The following RIOX2 variants were observed in gnomAD, a reference collection of about 807,000 sequenced individuals.
RIOX2 encodes the protein 60S ribosomal protein L27a histidine hydroxylase.
Under a neutral mutation model 51.2 loss-of-function variants are expected in RIOX2, and 43 were observed. That is an observed-to-expected ratio of 0.84 (90% CI 0.66 to 1.08). The LOEUF (loss-of-function observed/expected upper bound fraction) is 1.08. Ranked by LOEUF, RIOX2 falls within the 50% of genes least tolerant of loss-of-function variation. The pLI is 0.00. For synonymous variants in RIOX2, 226 were observed against 218.5 expected (o/e 1.03, Z -0.30); for missense variants, 566 against 561.7 (o/e 1.01, Z -0.08).
chr3:97,942,995 T>C lies in RIOX2; in HGVS notation c.*2189A>G. The C allele has an allele frequency of 2.2e-6, 1 of 465,026 alleles. No homozygotes were observed. The highest frequency in any genetic ancestry group is 3.8e-6 in the Non-Finnish European group (1 of 265,462). 28.8% of individuals were successfully genotyped at this position (465,026 alleles called of 1,614,324 possible). On this transcript the variant is annotated 3_prime_UTR_variant, in exon 10 of 10. Transcript: ENST00000394198. ...AAGAATCACATTAAGGCACGCCACT[T>C]ATACAATCATGTATTATACCTTTTA...
chr3:97,945,119 T>C lies in RIOX2; in HGVS notation c.*65A>G. On this transcript the variant is annotated 3_prime_UTR_variant, in exon 10 of 10. Coordinates refer to ENST00000394198, the MANE Select transcript of RIOX2 (RefSeq NM_153182.4). Reference sequence around the variant, plus strand: ...AACTTGAATTCATCCTCTCCTCGGCTCAGGTCTTTGCTTTTCTTTTAATAT... The same window carrying C: ...AACTTGAATTCATCCTCTCCTCGGCCCAGGTCTTTGCTTTTCTTTTAATAT... 6 of 1,430,098 alleles carry C rather than the reference T, an allele frequency of 4.2e-6. No homozygotes were observed. In the South Asian group the frequency reaches 7.1e-5, roughly 17 times the overall value. 88.6% of individuals were successfully genotyped at this position (1,430,098 alleles called of 1,614,324 possible).
chr3:97,949,746 T>G, intron 7 of RIOX2, 98 bp downstream of exon 7: 1 of 1,118,832 alleles, frequency 8.9e-7, no homozygotes, highest in East Asian at 2.4e-5. Flanking sequence ...ACGAAAGCAC[T>G]TCATACTTTC....
intron 2 of RIOX2, among the ~76,000 whole-genome samples, chr3:97,966,211 G>A (rs1576017798): frequency 6.6e-6 from 1 of 152,146 alleles, no homozygotes; most frequent in Non-Finnish European, 1.5e-5. Flanking sequence ...AACACTATTG[G>A]TAACTGACGA....
intron 2 of RIOX2, among the ~76,000 whole-genome samples, chr3:97,963,712 A>G (rs190593144): frequency 6.6e-6 from 1 of 152,118 alleles, no homozygotes; most frequent in Non-Finnish European, 1.5e-5. Context: ...TCCCGACCCA[A>G]CTATCAGGGT....
rs538130600 is a variant in RIOX2 at position 97,966,355 on chromosome 3, G to C, written c.432+807C>G. Among the ~76,000 whole-genome samples, 6 of 152,238 alleles carry C rather than the reference G, an allele frequency of 3.9e-5. No individual in the cohort carries two copies. In the South Asian group the frequency reaches 1.2e-3, roughly 32 times the overall value. ...TCACAGAAGGGGGTTTCTGAATGGG[G>C]ATAAAAGTTTATCTAAAATTCAGAA... On this transcript the variant is annotated intron_variant, in intron 2 of 9. Coordinates refer to ENST00000394198, the MANE Select transcript of RIOX2 (RefSeq NM_153182.4).
rs1435089716 is a variant in RIOX2 at position 97,942,857 on chromosome 3, AATATTATTC to A, written c.*2318_*2326del. On this transcript the variant is annotated 3_prime_UTR_variant, in exon 10 of 10. Transcript: ENST00000394198. ...TTTTGAATTCAGCAAGGTCAGGGCCAATATTATTCATGGCTGTTGCTTTAATTGGGTTAG... is the reference window on the plus strand; with the variant it reads ...TTTTGAATTCAGCAAGGTCAGGGCCAATGGCTGTTGCTTTAATTGGGTTAG... 8.5e-6 allele frequency: 2 copies of A among 233,958 alleles called. No homozygotes were observed. The highest frequency in any genetic ancestry group is 1.6e-5 in the Non-Finnish European group (2 of 123,902). 14.5% of individuals were successfully genotyped at this position (233,958 alleles called of 1,614,324 possible).
intron 1 of RIOX2, among the ~76,000 whole-genome samples, chr3:97,970,094 C>T (rs1042513697): frequency 5.9e-5 from 9 of 152,090 alleles, no homozygotes; most frequent in African/African-American, 2.2e-4. Flanking sequence ...AAGATGCAAA[C>T]GAAAAGCTTT....
At position 97,949,769 on chromosome 3, in the gene RIOX2, A is replaced by G. The variant is rs536363035; in HGVS notation, c.1060+75T>C. On this transcript the variant is annotated intron_variant, in intron 7 of 9. Coordinates refer to ENST00000394198, the MANE Select transcript of RIOX2 (RefSeq NM_153182.4). ...ACTTCATACTTTCCATCTGTTCAAA[A>G]AGGAGCCTACCCAGAAAAACCGTAA... The G allele has an allele frequency of 2.9e-6, 4 of 1,373,836 alleles. No individual in the cohort carries two copies. The African/African-American group carries it at 5.8e-5, about 20-fold the overall frequency. The allele number at this position is 1,373,836 out of a possible 1,614,324, so 85.1% of individuals were successfully genotyped here.
intron 2 of RIOX2, 138 bp from the exon 3 acceptor site, chr3:97,961,846 C>T: frequency 1.1e-6 from 1 of 935,280 alleles, no homozygotes; most frequent in Non-Finnish European, 1.5e-6. Context: ...GGGAATTATG[C>T]AATGATACAG....
At chr3:97,967,813 T>C (rs1162093676) in intron 1 of RIOX2, among the ~76,000 whole-genome samples, 181 bp from the exon 2 acceptor site, 5 of 152,200 alleles carry the variant, frequency 3.3e-5, no homozygotes, top group African/African-American at 1.2e-4. Context: ...TTCTAAGATA[T>C]GATTCAAGCT....
At chr3:97,954,282 G>T in intron 5 of RIOX2, 110 bp downstream of exon 5, 1 of 733,202 alleles carries the variant, frequency 1.4e-6, no homozygotes, top group South Asian at 1.5e-5. Context: ...TAAACCCTGG[G>T]GTTTGCATAG....
rs564490743 is a variant in RIOX2 at position 97,945,020 on chromosome 3, C to T, written c.*164G>A. On this transcript the variant is annotated 3_prime_UTR_variant, in exon 10 of 10. Transcript: ENST00000394198. ...TTTGCTGTTCTTTCTTTCATGTGCC[C>T]GTTAGTACATTTGGCCAACTGACCA... The T allele has an allele frequency of 4.9e-5, 25 of 514,942 alleles. No individual in the cohort carries two copies. Among genetic ancestry groups the T allele is most frequent in the Middle Eastern group, 1.0e-3 (2 of 1,948 alleles). 31.9% of individuals were successfully genotyped at this position (514,942 alleles called of 1,614,324 possible).
chr3:97,965,925 T>C (rs1000960517), intron 2 of RIOX2, among the ~76,000 whole-genome samples: 2 of 152,274 alleles, frequency 1.3e-5, no homozygotes, highest in Non-Finnish European at 2.9e-5. Context: ...CCATATTTTC[T>C]GAATTCAAAT....
At chr3:97,970,733 A>C (rs1196542762) in intron 1 of RIOX2, among the ~76,000 whole-genome samples, 1 of 152,248 alleles carries the variant, frequency 6.6e-6, no homozygotes, top group African/African-American at 2.4e-5. Flanking sequence ...TAAGCATTAA[A>C]TGTAAAAAGA....
At chr3:97,964,798 T>C (rs372842733) in intron 2 of RIOX2, among the ~76,000 whole-genome samples, 6 of 143,642 alleles carry the variant, frequency 4.2e-5, no homozygotes, top group African/African-American at 1.5e-4. Flanking sequence ...AAAGTTAAAA[T>C]ATATGAAATT....
At chr3:97,949,126 A>C (rs1387544644) in intron 7 of RIOX2, among the ~76,000 whole-genome samples, 1 of 152,102 alleles carries the variant, frequency 6.6e-6, no homozygotes, top group Non-Finnish European at 1.5e-5. Context: ...TTTGATCCCC[A>C]GTGTGGAGGT....
intron 4 of RIOX2, among the ~76,000 whole-genome samples, chr3:97,957,666 C>T (rs374831498): frequency 5.3e-5 from 8 of 152,242 alleles, no homozygotes; most frequent in African/African-American, 1.9e-4. Context: ...ACCCTTTACA[C>T]TTAAAGGCCA....
rs2040322730 is a variant in RIOX2 at position 97,945,091 on chromosome 3, G to A, written c.*93C>T. 2 of 1,208,718 alleles carry A rather than the reference G, an allele frequency of 1.7e-6. No homozygotes were observed. Among genetic ancestry groups the A allele is most frequent in the South Asian group, 1.8e-5 (1 of 55,280 alleles). 74.9% of individuals were successfully genotyped at this position (1,208,718 alleles called of 1,614,324 possible). A position where few individuals can be genotyped will look rare whatever the true frequency, so the allele number is the denominator to read the frequency against. ...TGTTTGTTAGTAGATACGCAGGTAAGGAAACTTGAATTCATCCTCTCCTCG... is the reference window on the plus strand; with the variant it reads ...TGTTTGTTAGTAGATACGCAGGTAAAGAAACTTGAATTCATCCTCTCCTCG... On this transcript the variant is annotated 3_prime_UTR_variant, in exon 10 of 10. Coordinates refer to ENST00000394198, the MANE Select transcript of RIOX2 (RefSeq NM_153182.4).
At position 97,947,437 on chromosome 3, in the gene RIOX2, G is replaced by A. The variant is rs117990049; in HGVS notation, c.1073C>T (p.Pro358Leu). 781 of 1,612,862 alleles carry A rather than the reference G, an allele frequency of 4.8e-4. 5 individuals carry two copies. The highest frequency in any genetic ancestry group is 3.1e-4 in the East Asian group (14 of 44,842). The change falls in exon 8 of 10, where the codon CCG becomes CTG. Residue 358 changes from proline (P) to leucine (L), a missense_variant. Pro to Leu is a moderately conservative substitution (Grantham distance 98). Coordinates refer to ENST00000394198, the MANE Select transcript of RIOX2 (RefSeq NM_153182.4). ...CAGTCTCACTACACTGTCCAGCCTC[G>A]GTAACTTTCCACCTAGAAAACCCCA... ...AELSTPGGKL[P>L]RLDSVVRLQF...
Sources: allele counts gnomAD v4.1 joint callset (sites outside exome capture counted in the v4.1 genomes callset), GRCh38; gene constraint gnomAD v4.1.1; transcripts MANE v1.5; gene names NCBI Gene and HGNC (gene_info 2026-07-23, HGNC 2026-07-21).